Variants in KANK1 observed in about 807,000 individuals in gnomAD.
KANK1 encodes the protein KN motif and ankyrin repeat domains 1, also known as KN motif and ankyrin repeat domain-containing protein 1.
Under a neutral mutation model 106.2 loss-of-function variants are expected in KANK1, and 109 were observed. That is an observed-to-expected ratio of 1.03 (90% CI 0.88 to 1.20). KANK1 has a LOEUF of 1.20. Ranked by LOEUF, KANK1 falls within the 50% of genes most tolerant of loss-of-function variation. The pLI is 0.00. For synonymous variants in KANK1, 873 were observed against 652.2 expected, an observed-to-expected ratio of 1.34 and a Z score of -5.16; for missense variants, 2,399 against 1,710.7, an observed-to-expected ratio of 1.40 and a Z score of -7.10.
intron 1 of KANK1, among the ~76,000 whole-genome samples, chr9:578,103 G>C (rs908822611): frequency 1.3e-5 from 2 of 152,124 alleles, no homozygotes; most frequent in African/African-American, 4.8e-5. Context: ...ATACTGAACT[G>C]GCCATACTGG....
At chr9:545,808 C>T (rs577220212) in intron 1 of KANK1, among the ~76,000 whole-genome samples, 3 of 147,118 alleles carry the variant, frequency 2.0e-5, no homozygotes, top group African/African-American at 5.1e-5. Context: ...CGCAGTGACT[C>T]GATCTCGGCT....
chr9:498,809 C>A (rs983595788), intron 3 of KANK1, among the ~76,000 whole-genome samples: 2 of 151,986 alleles, frequency 1.3e-5, no homozygotes, highest in Admixed American at 1.3e-4. Context: ...AAATTAGGAC[C>A]CTTATACATT....
intron 1 of KANK1, among the ~76,000 whole-genome samples, chr9:631,085 G>C (rs983243380): frequency 1.1e-4 from 16 of 152,282 alleles, no homozygotes; most frequent in Middle Eastern, 3.4e-3. Flanking sequence ...GGAGTGATAT[G>C]TGTCTTTTGC....
intron 1 of KANK1, among the ~76,000 whole-genome samples, chr9:637,868 AT>A (rs1278420950): frequency 2.0e-5 from 3 of 152,180 alleles, no homozygotes; most frequent in Non-Finnish European, 2.9e-5. Context: ...AATATTTTTC[AT>A]AAGTCCCAAA....
chr9:530,291 T>C (rs1746852537), intron 1 of KANK1, among the ~76,000 whole-genome samples: 1 of 152,236 alleles, frequency 6.6e-6, no homozygotes, highest in Admixed American at 6.5e-5. Flanking sequence ...GAAAAAGGCG[T>C]TCCCCATCTT....
chr9:633,191 C>T (rs552962806), intron 1 of KANK1, among the ~76,000 whole-genome samples: 8 of 152,262 alleles, frequency 5.3e-5, no homozygotes, highest in African/African-American at 1.4e-4. Context: ...GGCGCAGTGG[C>T]TCACGCCTGC....
intron 1 of KANK1, among the ~76,000 whole-genome samples, chr9:647,788 A>G (rs777870061): frequency 1.8e-4 from 27 of 150,672 alleles, no homozygotes; most frequent in Non-Finnish European, 3.7e-4. Flanking sequence ...TCACACTTAT[A>G]TATAGCAGAG....
chr9:535,866 C>A (rs11789442), intron 1 of KANK1, among the ~76,000 whole-genome samples: 23 of 152,140 alleles, frequency 1.5e-4, no homozygotes, highest in African/African-American at 5.3e-4. Context: ...CAGGTCTGTT[C>A]AAGGCAACGT....
intron 1 of KANK1, among the ~76,000 whole-genome samples, chr9:579,151 G>T (rs1440536497): frequency 6.6e-6 from 1 of 152,168 alleles, no homozygotes; most frequent in Non-Finnish European, 1.5e-5. Flanking sequence ...TCTAGTAACT[G>T]GGGAGGTATT....
At chr9:638,923 A>G (rs980743883) in intron 1 of KANK1, among the ~76,000 whole-genome samples, 1 of 152,248 alleles carries the variant, frequency 6.6e-6, no homozygotes, top group Middle Eastern at 3.4e-3. Context: ...CCTTTTTCCT[A>G]TGGCTGAGCA....
At chr9:597,548 A>G (rs1454175750) in intron 1 of KANK1, among the ~76,000 whole-genome samples, 1 of 151,726 alleles carries the variant, frequency 6.6e-6, no homozygotes, top group Non-Finnish European at 1.5e-5. Flanking sequence ...CCATTTAAAA[A>G]TTGTTATTTG....
At chr9:513,493 C>G (rs572391569) in intron 1 of KANK1, among the ~76,000 whole-genome samples, 1 of 152,180 alleles carries the variant, frequency 6.6e-6, no homozygotes, top group Admixed American at 6.5e-5. Flanking sequence ...TCTCAGAACA[C>G]ATAACTAATC....
Position 606,598 on chromosome 9 carries a change from A to ATG in KANK1, c.-83-70276_-83-70275dup, listed in dbSNP as rs113128911. 7.8e-4 allele frequency among the ~76,000 whole-genome samples: 108 copies of ATG among 138,442 alleles called. 6 individuals carry two copies. Among genetic ancestry groups the ATG allele is most frequent in the Middle Eastern group, 3.6e-3 (1 of 274 alleles). 90.8% of individuals were successfully genotyped at this position (138,442 alleles called of 152,430 possible). A position where few individuals can be genotyped will look rare whatever the true frequency, so the allele number is the denominator to read the frequency against. On this transcript the variant is annotated intron_variant, in intron 1 of 11. Coordinates refer to ENST00000382297, the MANE Select transcript of KANK1 (RefSeq NM_015158.5). ...TGTGTGTTTTATAAACCTATAAAAT[A>ATG]TGTGTGTGTGTGTGTGTATATATTT...
At chr9:616,491 CAT>C (rs1309362453) in intron 1 of KANK1, among the ~76,000 whole-genome samples, 2 of 152,214 alleles carry the variant, frequency 1.3e-5, no homozygotes, top group Non-Finnish European at 2.9e-5. Flanking sequence ...TGTCTTTACA[CAT>C]ATAAATCAAA....
chr9:645,797 C>T (rs1319035135), intron 1 of KANK1, among the ~76,000 whole-genome samples: 1 of 150,694 alleles, frequency 6.6e-6, no homozygotes, highest in South Asian at 2.1e-4. Context: ...CGTGCCACTG[C>T]ACTTCAGCTT....
chr9:523,428 G>C (rs1161910004), intron 1 of KANK1, among the ~76,000 whole-genome samples: 1 of 151,752 alleles, frequency 6.6e-6, no homozygotes, highest in East Asian at 1.9e-4. Context: ...GCACTAGCCT[G>C]ATACCTGGAC....
chr9:661,871 G>A (rs75593770), intron 1 of KANK1, among the ~76,000 whole-genome samples: 88,039 of 144,866 alleles, frequency 0.61, 27,724 homozygotes, highest in East Asian at 0.91. Flanking sequence ...TTCTCTGATG[G>A]CCAGTGATGA....
chr9:555,226 C>G (rs12351767), intron 1 of KANK1, among the ~76,000 whole-genome samples: 11,269 of 152,190 alleles, frequency 0.074, 1,140 homozygotes, highest in East Asian at 0.22. Context: ...CGTCAGTAAT[C>G]CAAAGCAGGA....
At chr9:693,277 C>CA (rs1286134638) in intron 2 of KANK1, 2 of 602,644 alleles carry the variant, frequency 3.3e-6, no homozygotes, top group Non-Finnish European at 4.2e-6. Flanking sequence ...GCATAAAACT[C>CA]AATCATTTCC....
Sources: allele counts gnomAD v4.1 joint callset (sites outside exome capture counted in the v4.1 genomes callset), GRCh38; gene constraint gnomAD v4.1.1; transcripts MANE v1.5; gene names NCBI Gene and HGNC (gene_info 2026-07-23, HGNC 2026-07-21).